MPPE1: variants seen among roughly 807,000 people sequenced by gnomAD.
MPPE1 encodes metallophosphoesterase 1.
MPPE1 carries 28 observed loss-of-function variants against 43.8 expected under a neutral mutation model. The observed-to-expected ratio is 0.64, with a 90% CI of 0.47 to 0.88. MPPE1 has a LOEUF of 0.88. Ranked by LOEUF, MPPE1 falls within the 40% of genes least tolerant of loss-of-function variation. MPPE1 has a pLI of 0.00. For synonymous variants in MPPE1, 159 were observed against 188.5 expected, an observed-to-expected ratio of 0.84 and a Z score of 1.28; for missense variants, 428 against 492.2, an observed-to-expected ratio of 0.87 and a Z score of 1.23.
intron 10 of MPPE1, 106 bp from the exon 11 acceptor site, chr18:11,884,733 T>TGAG: frequency 7.3e-7 from 1 of 1,372,718 alleles, no homozygotes; most frequent in Admixed American, 2.1e-5. Context: ...CCCCCTCAGG[T>TGAG]GAGGCAGGGA....
Position 11,886,368 on chromosome 18 carries a change from C to G in MPPE1, c.867+131G>C, listed in dbSNP as rs1249089413. 5.4e-6 allele frequency: 7 copies of G among 1,291,486 alleles called. No homozygotes were observed. Among genetic ancestry groups the G allele is most frequent in the Non-Finnish European group, 7.7e-6 (7 of 908,122 alleles). 80.0% of individuals were successfully genotyped at this position (1,291,486 alleles called of 1,614,324 possible). On this transcript the variant is annotated intron_variant, in intron 9 of 10. Coordinates refer to ENST00000588072, the MANE Select transcript of MPPE1 (RefSeq NM_023075.6). The surrounding 1 kb of genome is among the most constrained non-coding windows in gnomAD (Gnocchi z 4.1). ...TGAAAGCCAGGCCTCCACCCCTGTC[C>G]CCCCAGGTGATAACTAAGTCATGAA...
In MPPE1 at chr18:11,883,910, TG is replaced by T. The variant is rs2036808742; in HGVS notation, c.*534del. On this transcript the variant is annotated 3_prime_UTR_variant, in exon 11 of 11. Transcript: ENST00000588072. ...TTCACCATGTTGGCCAGGCTGGTCTTGAACTCCTGACCTCAAGTGATCCACC... is the reference window on the plus strand; with the variant it reads ...TTCACCATGTTGGCCAGGCTGGTCTTAACTCCTGACCTCAAGTGATCCACC... 6.6e-6 allele frequency: 1 copy of T among 152,328 alleles called. No homozygotes were observed. Among genetic ancestry groups the T allele is most frequent in the African/African-American group, 2.4e-5 (1 of 41,422 alleles). 9.4% of individuals were successfully genotyped at this position (152,328 alleles called of 1,614,324 possible).
chr18:11,892,525 CG>C (rs749983785), intron 4 of MPPE1, among the ~76,000 whole-genome samples: 69 of 151,838 alleles, frequency 4.5e-4, no homozygotes, highest in Non-Finnish European at 6.3e-4. Flanking sequence ...CAAAATTAGC[CG>C]GGCGTGGTGA....
intron 3 of MPPE1, among the ~76,000 whole-genome samples, chr18:11,896,736 C>G (rs1384784063): frequency 6.6e-6 from 1 of 152,166 alleles, no homozygotes; most frequent in East Asian, 1.9e-4. Flanking sequence ...GGCAGGGGCT[C>G]AGAGGGGCCC....
At chr18:11,885,556 G>C (rs1713119677) in intron 10 of MPPE1, 120 bp downstream of exon 10, 8 of 1,229,288 alleles carry the variant, frequency 6.5e-6, no homozygotes, top group Non-Finnish European at 9.2e-6. Context: ...CGTGTAGAAG[G>C]AGAGAAATTT....
At chr18:11,890,006 G>C (rs981460022) in intron 4 of MPPE1, among the ~76,000 whole-genome samples, 1 of 150,030 alleles carries the variant, frequency 6.7e-6, no homozygotes, top group Non-Finnish European at 1.5e-5. Flanking sequence ...GCAGTGGCAC[G>C]ATCTCGGCTC....
At chr18:11,896,359 C>T (rs750330547) in intron 3 of MPPE1, among the ~76,000 whole-genome samples, 5 of 152,104 alleles carry the variant, frequency 3.3e-5, no homozygotes, top group Non-Finnish European at 7.4e-5. Flanking sequence ...GCCTTGGCCT[C>T]CCAAAGTGCT....
chr18:11,900,693 G>A lies in MPPE1; in HGVS notation c.-92-3337C>T, dbSNP rs188724621. Reference sequence around the variant, plus strand: ...GAGGCCAAGGTGGGCAGATCACGAGGTCAGGAGATCGAGACCATCCTGGCT... The same window carrying A: ...GAGGCCAAGGTGGGCAGATCACGAGATCAGGAGATCGAGACCATCCTGGCT... On this transcript the variant is annotated intron_variant, in intron 2 of 10. Transcript: ENST00000588072. Among the ~76,000 whole-genome samples, 385 of 152,032 alleles carry A rather than the reference G, an allele frequency of 2.5e-3. 5 individuals are homozygous for A. Among genetic ancestry groups the A allele is most frequent in the African/African-American group, 8.5e-3 (354 of 41,450 alleles).
rs1555628833 is a variant in MPPE1 at position 11,898,923 on chromosome 18, T to TTC, written c.-92-1568_-92-1567insGA. Among the ~76,000 whole-genome samples the TTC allele has an allele frequency of 2.7e-4, 41 of 151,592 alleles. 1 individual carries two copies. The highest frequency in any genetic ancestry group is 2.6e-4 in the Admixed American group (4 of 15,192). On this transcript the variant is annotated intron_variant, in intron 2 of 10. Transcript: ENST00000588072. ...TCATTAATTAAACTTTTTTTTTTTT[T>TTC]CTGAGACAGAATCTCACTCTGTCAC...
chr18:11,900,786 A>C (rs966494872), intron 2 of MPPE1, among the ~76,000 whole-genome samples: 10 of 152,022 alleles, frequency 6.6e-5, no homozygotes, highest in Admixed American at 2.0e-4. Context: ...AGACGCCTGT[A>C]GTCCCAGCTA....
At chr18:11,898,883 C>A (rs570803421) in intron 2 of MPPE1, among the ~76,000 whole-genome samples, 1 of 151,872 alleles carries the variant, frequency 6.6e-6, no homozygotes, top group East Asian at 2.0e-4. Context: ...AATTCCATCT[C>A]TCAGTGGCCA....
Position 11,884,121 on chromosome 18 carries a change from C to T in MPPE1, c.*324G>A, listed in dbSNP as rs1598461861. ...CCAAGTGTGTGCTGGGGCCACCAGG[C>T]CCTTCCTGGGGGAACAAGGACTGTC... On this transcript the variant is annotated 3_prime_UTR_variant, in exon 11 of 11. Coordinates refer to ENST00000588072, the MANE Select transcript of MPPE1 (RefSeq NM_023075.6). 8.1e-6 allele frequency: 2 copies of T among 247,900 alleles called. No homozygotes were observed. The highest frequency in any genetic ancestry group is 1.8e-4 in the East Asian group (2 of 11,164). 15.4% of individuals were successfully genotyped at this position (247,900 alleles called of 1,614,324 possible).
rs201942248 is a variant in MPPE1, at chr18:11,886,574, G to A, written c.792C>T (p.Asp264=). ...RRSDANCSGE[D]AAPAEERDIP... is the part of the protein sequence containing the mutation. ...TGTCCCTTTCCTCTGCAGGAGCAGC[G>A]TCTTCCCCAGAACAGTTAGCATCAC... is the stretch of plus-strand genomic sequence containing the variant. The change falls in exon 9 of 11, where the codon GAC becomes GAT. Residue 264 remains aspartate, a synonymous_variant. Transcript: ENST00000588072. The surrounding 1 kb of genome is among the most constrained non-coding windows in gnomAD (Gnocchi z 4.1). 5.6e-6 allele frequency: 9 copies of A among 1,614,196 alleles called. No individual in the cohort carries two copies. Among genetic ancestry groups the A allele is most frequent in the East Asian group, 4.5e-5 (2 of 44,880 alleles).
At position 11,884,560 on chromosome 18, in the gene MPPE1, A is replaced by G. The variant is rs1433484969; in HGVS notation, c.1076T>C (p.Ile359Thr). 1 of 1,613,944 alleles carries G rather than the reference A, an allele frequency of 6.2e-7. No individual in the cohort carries two copies. The highest frequency in any genetic ancestry group is 8.5e-7 in the Non-Finnish European group (1 of 1,180,046). Residue 359 changes from isoleucine (I) to threonine (T), a missense_variant, in exon 11 of 11, where the codon ATC becomes ACC. Around this residue, in one of 3 missense-constraint regions of MPPE1, gnomAD observed 379 missense variants for 402.5 expected, o/e 0.94. Coordinates refer to ENST00000588072, the MANE Select transcript of MPPE1 (RefSeq NM_023075.6). ...GAAGCCCACCACTCCACAGTAGATG[A>G]TCAAAACCACATCCTCACGTGGGAG... ...CYLPREDVVL[I>T]IYCGVVGFLV...
At chr18:11,895,021 C>T (rs1171352400) in intron 3 of MPPE1, among the ~76,000 whole-genome samples, 1 of 152,190 alleles carries the variant, frequency 6.6e-6, no homozygotes, top group Non-Finnish European at 1.5e-5. Flanking sequence ...CAGCCCTCCC[C>T]GTCTTCAACC....
At position 11,885,793 on chromosome 18, in the gene MPPE1, G is replaced by A. The variant is rs1297133124; in HGVS notation, c.891C>T (p.Arg297=). Reference sequence around the variant, plus strand: ...TGTGCGTGTGGCCACTGAGAACCAGGCGCGGCTGGAGCCACCACAGCAGCT... The same window carrying A: ...TGTGCGTGTGGCCACTGAGAACCAGACGCGGCTGGAGCCACCACAGCAGCT... ...SQKLLWWLQP[R]LVLSGHTHSA... Residue 297 remains arginine (R), a synonymous_variant, in exon 10 of 11, where the codon CGC becomes CGT. Coordinates refer to ENST00000588072, the MANE Select transcript of MPPE1 (RefSeq NM_023075.6). 1 of 1,611,244 alleles carries A rather than the reference G, an allele frequency of 6.2e-7. No homozygotes were observed. Among genetic ancestry groups the A allele is most frequent in the Non-Finnish European group, 8.5e-7 (1 of 1,178,202 alleles).
Position 11,886,408 on chromosome 18 carries a change from C to T in MPPE1, c.867+91G>A, listed in dbSNP as rs1366815655. The T allele has an allele frequency of 1.3e-6, 2 of 1,584,832 alleles. No homozygotes were observed. The highest frequency in any genetic ancestry group is 1.7e-6 in the Non-Finnish European group (2 of 1,157,478). ...TAAGTCATGAACGTTTCAGCAAACA[C>T]CTGCTCTAGCCTGGGCACTCTGCTT... On this transcript the variant is annotated intron_variant, in intron 9 of 10. Transcript: ENST00000588072. The surrounding 1 kb of genome is among the most constrained non-coding windows in gnomAD (Gnocchi z 4.1).
intron 5 of MPPE1, among the ~76,000 whole-genome samples, chr18:11,889,125 CAAT>C (rs2037672649): frequency 6.6e-6 from 1 of 152,140 alleles, no homozygotes; most frequent in Non-Finnish European, 1.5e-5. Context: ...TTCCCAAAGA[CAAT>C]AATTGGCCAT....
intron 10 of MPPE1, chr18:11,885,268 T>C (rs1398468634): frequency 7.3e-6 from 2 of 273,432 alleles, no homozygotes; most frequent in Non-Finnish European, 7.1e-6. Context: ...AAGTGAAACA[T>C]CTTTTATCAA....
Sources: allele counts gnomAD v4.1 joint callset (sites outside exome capture counted in the v4.1 genomes callset), GRCh38; gene constraint gnomAD v4.1.1; regional missense constraint gnomAD v4.1.1; non-coding constraint Gnocchi (gnomAD v3.1); transcripts MANE v1.5; gene names NCBI Gene and HGNC (gene_info 2026-07-23, HGNC 2026-07-21).